Variants in HLCS observed in about 807,000 individuals in gnomAD.
The protein encoded by HLCS is biotin--protein ligase.
Under a neutral mutation model 75.0 loss-of-function variants are expected in HLCS, and 53 were observed. The observed-to-expected ratio is 0.71, with a 90% CI of 0.57 to 0.89. The LOEUF (loss-of-function observed/expected upper bound fraction) is 0.89. HLCS is among the 40% of genes least tolerant of loss of function. HLCS has a pLI of 0.00. For synonymous variants in HLCS, 431 were observed against 428.6 expected, an observed-to-expected ratio of 1.01 and a Z score of -0.07; for missense variants, 966 against 1,074.0, an observed-to-expected ratio of 0.90 and a Z score of 1.41.
intron 4 of HLCS, 127 bp from the exon 5 acceptor site, chr21:36,930,560 G>A: frequency 1.3e-6 from 1 of 796,630 alleles, no homozygotes; most frequent in South Asian, 1.7e-5. Context: ...GCCCAGGCTG[G>A]TCTTGAACTC....
intron 6 of HLCS, among the ~76,000 whole-genome samples, chr21:36,872,625 G>A (rs1256775036): frequency 3.9e-5 from 6 of 152,158 alleles, no homozygotes. Context: ...TTCATGGGAT[G>A]TTTCTTTCAC....
At chr21:36,975,222 C>T (rs1016156788) in intron 1 of HLCS, 1 of 152,154 alleles carries the variant, frequency 6.6e-6, no homozygotes, top group Non-Finnish European at 1.5e-5. Context: ...TTCACCTTTT[C>T]ACTAGGACCC....
intron 6 of HLCS, among the ~76,000 whole-genome samples, chr21:36,882,597 C>T (rs1276271446): frequency 5.3e-5 from 8 of 150,172 alleles, no homozygotes; most frequent in Non-Finnish European, 1.2e-4. Flanking sequence ...CGTGTCACCA[C>T]GCCTGGCTAA....
intron 5 of HLCS, among the ~76,000 whole-genome samples, chr21:36,916,716 T>G (rs1278119005): frequency 6.6e-6 from 1 of 152,012 alleles, no homozygotes; most frequent in Admixed American, 6.6e-5. Context: ...TTTATACACA[T>G]GTGCTTTATA....
intron 5 of HLCS, among the ~76,000 whole-genome samples, chr21:36,914,989 T>G (rs1223301307): frequency 6.6e-6 from 1 of 152,264 alleles, no homozygotes; most frequent in Non-Finnish European, 1.5e-5. Flanking sequence ...CCCTGCCTGG[T>G]GCACCCAGAG....
Position 36,756,564 on chromosome 21 carries a change from A to G in HLCS, c.2428T>C (p.Tyr810His), listed in dbSNP as rs140951243. 1 of 1,613,384 alleles carries G rather than the reference A, an allele frequency of 6.2e-7. No homozygotes were observed. The change falls in exon 10 of 11, where the codon TAT (tyrosine) becomes CAT (histidine). Residue 810 changes from tyrosine (Y) to histidine (H), a missense_variant. Transcript: ENST00000674895. ...GACCTGTGGACCCAGTATCGGTAAT[A>G]AAGGGGAAGGACGCTGTTGGGCCCT... ...DKGPNSVLPL[Y>H]YRYWVHSGQQ...
intron 10 of HLCS, among the ~76,000 whole-genome samples, chr21:36,755,135 G>A (rs989449387): frequency 3.3e-5 from 5 of 151,820 alleles, no homozygotes; most frequent in African/African-American, 1.2e-4. Context: ...GGTAGCTCAT[G>A]TTTGTAACCT....
At chr21:36,768,214 T>C (rs1278348765) in intron 6 of HLCS, among the ~76,000 whole-genome samples, 1 of 152,206 alleles carries the variant, frequency 6.6e-6, no homozygotes, top group Non-Finnish European at 1.5e-5. Context: ...TCTTTGATTT[T>C]TTTCTTTTCT....
At chr21:36,896,508 C>G in intron 6 of HLCS, 1 of 344,706 alleles carries the variant, frequency 2.9e-6, no homozygotes, top group Non-Finnish European at 5.5e-6. Context: ...ATGTCTAACA[C>G]TGATTGTAAC....
At chr21:36,848,760 C>T (rs981256213) in intron 6 of HLCS, among the ~76,000 whole-genome samples, 1 of 152,122 alleles carries the variant, frequency 6.6e-6, no homozygotes, top group Non-Finnish European at 1.5e-5. Context: ...CCTTTCCTAT[C>T]CTAAGAGCAA....
chr21:36,835,232 A>C (rs1234143158), intron 6 of HLCS, among the ~76,000 whole-genome samples: 1 of 152,214 alleles, frequency 6.6e-6, no homozygotes, highest in African/African-American at 2.4e-5. Flanking sequence ...ATACAGTCAT[A>C]AAGATTTTAA....
intron 6 of HLCS, among the ~76,000 whole-genome samples, chr21:36,843,113 C>G (rs1023026211): frequency 6.6e-6 from 1 of 152,230 alleles, no homozygotes; most frequent in Non-Finnish European, 1.5e-5. Context: ...TTAAACACAT[C>G]TTGCCTCAGG....
chr21:36,765,446 A>G (rs2089998480), intron 7 of HLCS, among the ~76,000 whole-genome samples: 1 of 152,228 alleles, frequency 6.6e-6, no homozygotes, highest in Non-Finnish European at 1.5e-5. Flanking sequence ...GCGTCTGAAC[A>G]TGACTATATG....
intron 5 of HLCS, among the ~76,000 whole-genome samples, chr21:36,923,235 T>C (rs2850118): frequency 0.49 from 74,737 of 151,982 alleles, 18,946 homozygotes; most frequent in African/African-American, 0.59. Flanking sequence ...CCGACTTCCC[T>C]GGGAGGTGAG....
At chr21:36,865,539 C>T (rs1166888564) in intron 6 of HLCS, among the ~76,000 whole-genome samples, 1 of 152,214 alleles carries the variant, frequency 6.6e-6, no homozygotes, top group African/African-American at 2.4e-5. Context: ...AGACCCTCTT[C>T]GGCTTTCTCC....
intron 6 of HLCS, among the ~76,000 whole-genome samples, chr21:36,874,823 G>A (rs139059336): frequency 5.1e-4 from 77 of 152,074 alleles, no homozygotes; most frequent in African/African-American, 1.8e-3. Flanking sequence ...GTGCAGCTGC[G>A]GCCACCCAGC....
chr21:36,849,456 C>T (rs1237607408), intron 6 of HLCS, among the ~76,000 whole-genome samples: 1 of 152,214 alleles, frequency 6.6e-6, no homozygotes, highest in Non-Finnish European at 1.5e-5. Flanking sequence ...TTTGCTGGGA[C>T]CCTGGTACCT....
At chr21:36,810,956 T>C (rs1286012592) in intron 6 of HLCS, among the ~76,000 whole-genome samples, 1 of 152,146 alleles carries the variant, frequency 6.6e-6, no homozygotes, top group African/African-American at 2.4e-5. Context: ...TCATAATTAA[T>C]AATAAAATTC....
intron 6 of HLCS, among the ~76,000 whole-genome samples, chr21:36,857,163 C>T (rs565149451): frequency 1.3e-5 from 2 of 152,274 alleles, no homozygotes; most frequent in African/African-American, 4.8e-5. Context: ...TTTGAAAACC[C>T]GTATCAGGAT....
Sources: allele counts gnomAD v4.1 joint callset (sites outside exome capture counted in the v4.1 genomes callset), GRCh38; gene constraint gnomAD v4.1.1; transcripts MANE v1.5; gene names NCBI Gene and HGNC (gene_info 2026-07-23, HGNC 2026-07-21).